ACY3: variants seen among roughly 807,000 people sequenced by gnomAD.
ACY3 encodes N-acyl-aromatic-L-amino acid amidohydrolase (carboxylate-forming).
ACY3 carries 20 observed loss-of-function variants against 24.6 expected under a neutral mutation model. The observed-to-expected ratio is 0.81, with a 90% CI of 0.57 to 1.18. The LOEUF is 1.18. Among genes scored for constraint, ACY3 ranks in the 50% most tolerant of loss-of-function variants. The probability of loss-of-function intolerance (pLI) is 0.00; values close to 1 mark genes in which losing one functional copy is unlikely to be tolerated. For missense variants in ACY3, 423 were observed against 426.8 expected (o/e 0.99, Z 0.08); for synonymous variants, 174 against 188.4 (o/e 0.92, Z 0.62).
chr11:67,646,851 C>T lies in ACY3; in HGVS notation c.193G>A (p.Val65Met), dbSNP rs758644522. The part of the protein sequence containing the change: ...PAATSGCRRY[V>M]DHDLNRTFTS... ...AAGGTGCGGTTGAGGTCATGGTCCA[C>T]GTAGCGGCGGCAGCCGGATGTGGCT... Residue 65 changes from valine to methionine, a missense_variant, in exon 3 of 8, where the codon GTG becomes ATG. Coordinates refer to ENST00000255082, the MANE Select transcript of ACY3 (RefSeq NM_080658.2). The T allele has an allele frequency of 2.7e-5, 43 of 1,612,822 alleles. No homozygotes were observed. The highest frequency in any genetic ancestry group is 3.3e-5 in the Admixed American group (2 of 59,970).
At chr11:67,644,615 C>T in intron 7 of ACY3, 145 bp downstream of exon 7, 1 of 751,762 alleles carries the variant, frequency 1.3e-6, no homozygotes, top group Non-Finnish European at 2.1e-6. Flanking sequence ...GCCTCCCATC[C>T]TGCTCCTCAA....
chr11:67,645,479 C>T, intron 4 of ACY3, 99 bp from the exon 5 acceptor site: 2 of 1,364,564 alleles, frequency 1.5e-6, no homozygotes, highest in South Asian at 1.3e-5. Context: ...CACCACCCTC[C>T]TTGGCCAGGT....
intron 1 of ACY3, among the ~76,000 whole-genome samples, chr11:67,649,860 G>C (rs1855593528): frequency 6.7e-6 from 1 of 150,272 alleles, no homozygotes; most frequent in South Asian, 2.1e-4. Flanking sequence ...GTGCATGAGA[G>C]TGTGTGTGCA....
chr11:67,649,740 C>CAT (rs1385565433), intron 1 of ACY3, among the ~76,000 whole-genome samples: 1 of 141,234 alleles, frequency 7.1e-6, no homozygotes, highest in African/African-American at 3.0e-5. Context: ...AGCATGTGTG[C>CAT]GTGTGTGCGC....
intron 7 of ACY3, among the ~76,000 whole-genome samples, chr11:67,644,490 C>G (rs1855469175): frequency 6.6e-6 from 1 of 152,218 alleles, no homozygotes; most frequent in Non-Finnish European, 1.5e-5. Flanking sequence ...GTAGGGTTGT[C>G]TCCATCATGC....
At chr11:67,650,550 GT>G (rs1424663548) in intron 1 of ACY3, 32 bp downstream of exon 1, 1 of 152,220 alleles carries the variant, frequency 6.6e-6, no homozygotes, top group Non-Finnish European at 1.5e-5. Flanking sequence ...AGGTAAAGCA[GT>G]GGGCCGCGGC....
intron 3 of ACY3, 41 bp from the exon 4 acceptor site, chr11:67,645,928 C>A: frequency 6.5e-7 from 1 of 1,544,592 alleles, no homozygotes; most frequent in South Asian, 1.2e-5. Flanking sequence ...TTCACAGTCT[C>A]AGTCAGTCTT....
chr11:67,642,616 A>G lies in ACY3; in HGVS notation c.*108T>C, dbSNP rs1855426384. 1.7e-6 allele frequency: 2 copies of G among 1,199,850 alleles called. No individual in the cohort carries two copies. The highest frequency in any genetic ancestry group is 2.5e-6 in the Non-Finnish European group (2 of 813,850). The allele number at this position is 1,199,850 out of a possible 1,614,324, so 74.3% of individuals were successfully genotyped here. A position where few individuals can be genotyped will look rare whatever the true frequency, so the allele number is the denominator to read the frequency against. ...GGCCAGGGGTTGGGGAGGCCTGGCAAGGAACATGGTGCATGGTAGGTGGCA... is the reference window on the plus strand; with the variant it reads ...GGCCAGGGGTTGGGGAGGCCTGGCAGGGAACATGGTGCATGGTAGGTGGCA... On this transcript the variant is annotated 3_prime_UTR_variant, in exon 8 of 8. Coordinates refer to ENST00000255082, the MANE Select transcript of ACY3 (RefSeq NM_080658.2).
chr11:67,642,792 T>G lies in ACY3; in HGVS notation c.892A>C (p.Thr298Pro). The change falls in exon 8 of 8, where the codon ACT (threonine) becomes CCT (proline). Residue 298 changes from threonine (T) to proline (P), a missense_variant. Thr to Pro is a conservative substitution (Grantham distance 38). Transcript: ENST00000255082. The part of the protein sequence containing the change: ...YYEKGVAFVQ[T>P]EKFTFTVPAM... ...GGCACGGTGAATGTGAACTTCTCAG[T>G]CTGGACAAAGGCAACGCCCTTCTCA... 6.2e-7 allele frequency: 1 copy of G among 1,614,066 alleles called. No individual in the cohort carries two copies. The highest frequency in any genetic ancestry group is 8.5e-7 in the Non-Finnish European group (1 of 1,180,008).
intron 3 of ACY3, among the ~76,000 whole-genome samples, chr11:67,646,095 C>T (rs926066640): frequency 2.6e-5 from 4 of 152,160 alleles, no homozygotes; most frequent in Non-Finnish European, 5.9e-5. Context: ...CAGCCTGGCC[C>T]GCCCTCCCAC....
chr11:67,644,127 G>A (rs182353376), intron 7 of ACY3, among the ~76,000 whole-genome samples: 14 of 152,248 alleles, frequency 9.2e-5, no homozygotes, highest in African/African-American at 2.6e-4. Flanking sequence ...AAACATGGAC[G>A]GGATGGTGCT....
intron 1 of ACY3, among the ~76,000 whole-genome samples, chr11:67,649,658 ATG>A (rs1437684423): frequency 2.8e-4 from 38 of 134,564 alleles, no homozygotes; most frequent in African/African-American, 1.2e-3. Context: ...GCGTGTGTAC[ATG>A]TGTGTGCATG....
rs201592455 is a variant in ACY3 at position 67,645,706 on chromosome 11, A to T, written c.418T>A (p.Cys140Ser). The T allele has an allele frequency of 3.6e-4, 586 of 1,607,324 alleles. 1 individual carries two copies. The highest frequency in any genetic ancestry group is 4.7e-4 in the Non-Finnish European group (555 of 1,177,086). Residue 140 changes from cysteine (C) to serine (S), a missense_variant, in exon 4 of 8, where the codon TGC (cysteine) becomes AGC (serine). Coordinates refer to ENST00000255082, the MANE Select transcript of ACY3 (RefSeq NM_080658.2). ...GCCGGGGCCACCTGCAGATGGCGGC[A>T]CAGGTGCATGGCAAAGACTTCGTGG... The part of the protein sequence containing the change: ...SSHEVFAMHL[C>S]RHLQLQYPEL...
intron 4 of ACY3, 91 bp downstream of exon 4, chr11:67,645,601 G>T (rs957328947): frequency 2.7e-6 from 4 of 1,457,680 alleles, no homozygotes; most frequent in Non-Finnish European, 3.7e-6. Context: ...GGGGAAGAGG[G>T]GCTAAGCAAA....
intron 2 of ACY3, among the ~76,000 whole-genome samples, 189 bp from the exon 3 acceptor site, chr11:67,647,252 T>C (rs1283205399): frequency 6.6e-6 from 1 of 152,182 alleles, no homozygotes; most frequent in Non-Finnish European, 1.5e-5. Flanking sequence ...TCCTGCTCCT[T>C]TGGAGAAAAG....
In ACY3 at chr11:67,644,809, G is replaced by A. The variant is rs1427684842; in HGVS notation, c.695C>T (p.Pro232Leu). 2 of 1,572,536 alleles carry A rather than the reference G, an allele frequency of 1.3e-6. No homozygotes were observed. Among genetic ancestry groups the A allele is most frequent in the South Asian group, 1.2e-5 (1 of 86,652 alleles). Reference protein sequence around the residue: ...AYRPVGVVDFPRTEAGHLAGT... With the variant: ...AYRPVGVVDFLRTEAGHLAGT... ...TGCCAGGTGCCCGGCCTCGGTGCGG[G>A]GGAAGTCCACGACGCCCACGGGTCT... is the stretch of plus-strand genomic sequence containing the variant. The change falls in exon 7 of 8, where the codon CCC (proline) becomes CTC (leucine). Residue 232 changes from proline (P) to leucine (L), a missense_variant. Pro to Leu is a moderately conservative substitution (Grantham distance 98). Coordinates refer to ENST00000255082, the MANE Select transcript of ACY3 (RefSeq NM_080658.2).
Position 67,642,936 on chromosome 11 carries a change from G to T in ACY3, c.748C>A (p.Arg250=). The part of the protein sequence containing the change: ...AGTVHPQLQD[R]DFQPLQPGAP... The stretch of plus-strand genomic sequence containing the variant: ...CCAGGCTGCAGTGGCTGGAAGTCTC[G>T]GTCCTGGGAGGAGAGCCAAAGGCCA... The change falls in exon 8 of 8, where the codon CGA becomes AGA. Residue 250 remains arginine, a synonymous_variant. Transcript: ENST00000255082. The T allele has an allele frequency of 1.9e-6, 3 of 1,612,936 alleles. No homozygotes were observed. Among genetic ancestry groups the T allele is most frequent in the Non-Finnish European group, 2.5e-6 (3 of 1,179,684 alleles).
At chr11:67,643,020 CA>C in intron 7 of ACY3, 81 bp from the exon 8 acceptor site, 1 of 1,243,088 alleles carries the variant, frequency 8.0e-7, no homozygotes, top group South Asian at 1.3e-5. Flanking sequence ...GCTTGACACC[CA>C]AAAGATGCCC....
In ACY3 at chr11:67,642,837, T is replaced by G; in HGVS notation, c.847A>C (p.Ile283Leu). The G allele has an allele frequency of 6.2e-7, 1 of 1,614,130 alleles. No individual in the cohort carries two copies. The highest frequency in any genetic ancestry group is 8.5e-7 in the Non-Finnish European group (1 of 1,180,038). Residue 283 changes from isoleucine to leucine, a missense_variant, in exon 8 of 8, where the codon ATT (isoleucine) becomes CTT (leucine). By Grantham distance (5) the Ile-to-Leu change is conservative. Transcript: ENST00000255082. Reference sequence around the variant, plus strand: ...TTCTCATAGTAGGCAGCCTCGTTAATGAACACGGGGTACACCGTGGACTCT... The same window carrying G: ...TTCTCATAGTAGGCAGCCTCGTTAAGGAACACGGGGTACACCGTGGACTCT... The part of the protein sequence containing the change: ...EGESTVYPVF[I>L]NEAAYYEKGV...
Sources: gnomAD v4.1 joint callset for allele counts (sites outside exome capture counted in the v4.1 genomes callset) on GRCh38, gnomAD v4.1.1 for gene constraint, MANE v1.5 for transcripts, NCBI Gene and HGNC (gene_info 2026-07-23, HGNC 2026-07-21) for gene names.